The following STK11 variants were observed in gnomAD, a reference collection of about 807,000 sequenced individuals.
The protein encoded by STK11 is serine/threonine-protein kinase STK11.
A neutral mutation model predicts 47.3 loss-of-function variants in STK11; 8 were observed. The observed-to-expected ratio is 0.17, with a 90% CI of 0.10 to 0.31. The LOEUF is 0.31. Among genes scored for constraint, STK11 ranks in the 10% least tolerant of loss-of-function variants. The pLI is 1.00. For synonymous variants in STK11, 330 were observed against 255.8 expected (o/e 1.29, Z -2.77); for missense variants, 475 against 605.0 (o/e 0.79, Z 2.25).
chr19:1,214,449 C>A (rs376023713), intron 1 of STK11, among the ~76,000 whole-genome samples: 28 of 152,210 alleles, frequency 1.8e-4, no homozygotes, highest in Non-Finnish European at 4.1e-4. Flanking sequence ...GAAGTGTCCC[C>A]GTTGAGGTGG....
At chr19:1,219,702 C>T (rs528501080) in intron 3 of STK11, among the ~76,000 whole-genome samples, 7 of 152,072 alleles carry the variant, frequency 4.6e-5, no homozygotes, top group Admixed American at 6.5e-5. Flanking sequence ...CCCGCCACCA[C>T]GCCCGGCTAA....
At chr19:1,222,133 C>T in intron 7 of STK11, 127 bp downstream of exon 7, 4 of 1,124,952 alleles carry the variant, frequency 3.6e-6, no homozygotes, top group South Asian at 1.4e-5. Context: ...AGACCCCGTG[C>T]AGCGCCCGCA....
Position 1,221,216 on chromosome 19 carries a change from C to T in STK11, c.738C>T (p.Tyr246=), listed in dbSNP as rs137853083. ...CTTCCCTCCCCTCGAAATGAAGCTACAACATCACCACGGGTCTGTACCCCT... is the reference window on the plus strand; with the variant it reads ...CTTCCCTCCCCTCGAAATGAAGCTATAACATCACCACGGGTCTGTACCCCT... ...VDIWSAGVTL[Y]NITTGLYPFE... is the part of the protein sequence containing the mutation. The change falls in exon 6 of 10, where the codon TAC becomes TAT. Residue 246 remains tyrosine, a synonymous_variant. Coordinates refer to ENST00000326873, the MANE Select transcript of STK11 (RefSeq NM_000455.5). 3 of 1,612,184 alleles carry T rather than the reference C, an allele frequency of 1.9e-6. No individual in the cohort carries two copies. The highest frequency in any genetic ancestry group is 2.5e-6 in the Non-Finnish European group (3 of 1,179,318).
chr19:1,208,555 G>A (rs1310319903), intron 1 of STK11, among the ~76,000 whole-genome samples: 3 of 145,084 alleles, frequency 2.1e-5, no homozygotes, highest in Admixed American at 7.0e-5. Flanking sequence ...TGATCCGCCC[G>A]CCTCGGCCTC....
intron 1 of STK11, among the ~76,000 whole-genome samples, chr19:1,209,889 G>A (rs1196502361): frequency 6.6e-6 from 1 of 152,178 alleles, no homozygotes; most frequent in Non-Finnish European, 1.5e-5. Flanking sequence ...AGAGGGGTTG[G>A]CAGGACCTGG....
rs79175212 is a variant in STK11 at position 1,207,009 on chromosome 19, C to T, written c.96C>T (p.Thr32=). 3 of 1,613,540 alleles carry T rather than the reference C, an allele frequency of 1.9e-6. No individual in the cohort carries two copies. The highest frequency in any genetic ancestry group is 2.7e-5 in the African/African-American group (2 of 74,862). The change falls in exon 1 of 10, where the codon ACC becomes ACT. Residue 32 remains threonine, a synonymous_variant. Transcript: ENST00000326873. ...MDTFIHRIDS[T]EVIYQPRRKR... is the part of the protein sequence containing the mutation. ...CGTTCATCCACCGCATCGACTCCAC[C>T]GAGGTCATCTACCAGCCGCGCCGCA...
chr19:1,223,077 T>C lies in STK11; in HGVS notation c.1013T>C (p.Val338Ala), dbSNP rs1568712203. 1 of 1,608,416 alleles carries C rather than the reference T, an allele frequency of 6.2e-7. No individual in the cohort carries two copies. Among genetic ancestry groups the C allele is most frequent in the Admixed American group, 1.7e-5 (1 of 59,552 alleles). Residue 338 changes from valine to alanine, a missense_variant, in exon 8 of 10, where the codon GTG becomes GCG. Around this residue, in one of 5 missense-constraint regions of STK11, gnomAD observed 219 missense variants for 189.2 expected, o/e 1.16. Coordinates refer to ENST00000326873, the MANE Select transcript of STK11 (RefSeq NM_000455.5). The part of the protein sequence containing the change: ...TKDRWRSMTV[V>A]PYLEDLHGAD... ...GACCGGTGGCGCAGCATGACTGTGG[T>C]GCCGTACTTGGAGGACCTGCACGGC... is the stretch of plus-strand genomic sequence containing the variant.
intron 8 of STK11, chr19:1,226,054 G>A: frequency 1.9e-6 from 2 of 1,042,438 alleles, no homozygotes; most frequent in Non-Finnish European, 2.3e-6. Flanking sequence ...TGTCCTCACA[G>A]ATGAGCATGT....
chr19:1,223,540 C>T, intron 8 of STK11: 3 of 1,056,488 alleles, frequency 2.8e-6, no homozygotes, highest in Admixed American at 8.8e-5. Flanking sequence ...AGGGTGGCCC[C>T]TCAGACAGCT....
chr19:1,213,837 G>C (rs2080727678), intron 1 of STK11, among the ~76,000 whole-genome samples: 1 of 152,198 alleles, frequency 6.6e-6, no homozygotes, highest in African/African-American at 2.4e-5. Context: ...GGTGTTCCTG[G>C]GTCTCCATGT....
At position 1,227,765 on chromosome 19, in the gene STK11, C is replaced by A. The variant is rs2080836545; in HGVS notation, c.*189C>A. On this transcript the variant is annotated 3_prime_UTR_variant, in exon 10 of 10. Transcript: ENST00000326873. The stretch of plus-strand genomic sequence containing the variant: ...GACAGCAGGGACCGGGCGCAGCCCT[C>A]CCCCCTCGGCCGCCCGGCAGTGCAC... 8 of 1,073,064 alleles carry A rather than the reference C, an allele frequency of 7.5e-6. No homozygotes were observed. Among genetic ancestry groups the A allele is most frequent in the Admixed American group, 5.3e-5 (1 of 18,782 alleles). The allele number at this position is 1,073,064 out of a possible 1,614,324, so 66.5% of individuals were successfully genotyped here. A position where few individuals can be genotyped will look rare whatever the true frequency, so the allele number is the denominator to read the frequency against.
chr19:1,220,464 A>G lies in STK11; in HGVS notation c.556A>G (p.Thr186Ala), dbSNP rs2080774753. The G allele has an allele frequency of 1.9e-6, 3 of 1,606,984 alleles. No individual in the cohort carries two copies. Among genetic ancestry groups the G allele is most frequent in the Non-Finnish European group, 2.5e-6 (3 of 1,177,194 alleles). Residue 186 changes from threonine (T) to alanine (A), a missense_variant, in exon 4 of 10, where the codon ACC (threonine) becomes GCC (alanine). Transcript: ENST00000326873. ...DIKPGNLLLT[T>A]GGTLKISDLG... is the part of the protein sequence containing the mutation. ...CAAGCCGGGGAACCTGCTGCTCACC[A>G]CCGGTGGCACCCTCAAAATCTCCGA...
intron 1 of STK11, among the ~76,000 whole-genome samples, chr19:1,217,224 T>C (rs1055836079): frequency 6.6e-6 from 1 of 152,106 alleles, no homozygotes; most frequent in Non-Finnish European, 1.5e-5. Context: ...TTTAATTTTT[T>C]CTTTTATGAG....
chr19:1,222,175 G>A (rs1187846801), intron 7 of STK11, among the ~76,000 whole-genome samples, 169 bp downstream of exon 7: 1 of 152,234 alleles, frequency 6.6e-6, no homozygotes, highest in African/African-American at 2.4e-5. Context: ...TCTCTGGGCA[G>A]TGTCCTGTTA....
chr19:1,224,181 ATGGGGGTCCCCGGGGGGTACAGTGTC>A (rs1375684576), intron 8 of STK11: 77 of 984,808 alleles, frequency 7.8e-5, no homozygotes, highest in Non-Finnish European at 8.9e-5. Flanking sequence ...AGCACAGTGT[ATGGGGGTCCCCGGGGGGTACAGTGTC>A]TGGGGGCCCC....
chr19:1,207,628 C>T (rs1340797492), intron 1 of STK11, among the ~76,000 whole-genome samples: 3 of 152,206 alleles, frequency 2.0e-5, no homozygotes, highest in Non-Finnish European at 4.4e-5. Flanking sequence ...CAGTGTGTGG[C>T]CGTTACCGGG....
chr19:1,212,734 C>T (rs924961092), intron 1 of STK11, among the ~76,000 whole-genome samples: 10 of 151,674 alleles, frequency 6.6e-5, no homozygotes, highest in Non-Finnish European at 1.5e-4. Context: ...TTAGTAGAGA[C>T]GGGGTTTCAC....
intron 1 of STK11, among the ~76,000 whole-genome samples, chr19:1,209,294 G>A (rs1003818450): frequency 2.6e-5 from 4 of 152,096 alleles, no homozygotes; most frequent in South Asian, 2.1e-4. Context: ...AGAAACCCAC[G>A]CTTAGGGGCC....
intron 8 of STK11, chr19:1,223,896 T>A (rs1038079604): frequency 9.8e-7 from 1 of 1,015,968 alleles, no homozygotes; most frequent in Non-Finnish European, 1.2e-6. Flanking sequence ...GGATGCTTGC[T>A]GCGCTCGGGC....
Sources: allele counts gnomAD v4.1 joint callset (sites outside exome capture counted in the v4.1 genomes callset), GRCh38; gene constraint gnomAD v4.1.1; regional missense constraint gnomAD v4.1.1; transcripts MANE v1.5; gene names NCBI Gene and HGNC (gene_info 2026-07-23, HGNC 2026-07-21).